Variants in DCTN4 observed in about 807,000 individuals in gnomAD.
The protein encoded by DCTN4 is dynactin subunit 4.
In DCTN4, 23 loss-of-function variants were observed where a neutral mutation model predicts 62.7. The observed-to-expected ratio is 0.37, with a 90% CI of 0.26 to 0.52. The LOEUF (loss-of-function observed/expected upper bound fraction) is 0.52. DCTN4 is among the 20% of genes least tolerant of loss of function. The pLI, the probability that DCTN4 is intolerant of heterozygous loss-of-function variation, is 0.92. For synonymous variants in DCTN4, 199 were observed against 202.1 expected (o/e 0.98, Z 0.13); for missense variants, 514 against 580.4 (o/e 0.89, Z 1.18).
At chr5:150,731,679 A>G (rs1467521472) in intron 5 of DCTN4, 190 bp from the exon 6 acceptor site, 1 of 635,078 alleles carries the variant, frequency 1.6e-6, no homozygotes, top group Non-Finnish European at 2.7e-6. Context: ...AAATAATAAC[A>G]GCACTAAACA....
rs1760343250 is a variant in DCTN4 at position 150,731,068 on chromosome 5, T to C, written c.700A>G (p.Thr234Ala). ...CCCTCTGTTAAATTTACTGGTCTTG[T>C]ATAATAGTCTTCAGGTAGAGGTTCC... ...EVEPLPEDYY[T>A]RPVNLTEVTT... The change falls in exon 7 of 13, where the codon ACA (threonine) becomes GCA (alanine). Residue 234 changes from threonine (T) to alanine (A), a missense_variant. By Grantham distance (58) the Thr-to-Ala change is moderately conservative. Transcript: ENST00000447998. 6.2e-7 allele frequency: 1 copy of C among 1,605,232 alleles called. No homozygotes were observed. Among genetic ancestry groups the C allele is most frequent in the African/African-American group, 1.3e-5 (1 of 74,790 alleles).
chr5:150,726,341 T>C (rs1006244552), intron 8 of DCTN4, among the ~76,000 whole-genome samples: 3 of 152,184 alleles, frequency 2.0e-5, no homozygotes, highest in Non-Finnish European at 2.9e-5. Context: ...CCTCGAGACA[T>C]GCATTGCTCT....
At chr5:150,730,604 G>A in intron 8 of DCTN4, 27 bp downstream of exon 8, 1 of 1,590,366 alleles carries the variant, frequency 6.3e-7, no homozygotes, top group Non-Finnish European at 8.6e-7. Flanking sequence ...TTGTACAAAT[G>A]GTCAGTCTAC....
At chr5:150,713,113 G>T (rs1469773507) in intron 12 of DCTN4, among the ~76,000 whole-genome samples, 1 of 152,148 alleles carries the variant, frequency 6.6e-6, no homozygotes, top group African/African-American at 2.4e-5. Flanking sequence ...AGCACATTTT[G>T]TATTACAGTA....
At chr5:150,751,009 T>C (rs1752652546) in intron 3 of DCTN4, among the ~76,000 whole-genome samples, 1 of 152,192 alleles carries the variant, frequency 6.6e-6, no homozygotes, top group Non-Finnish European at 1.5e-5. Flanking sequence ...TTTTAGAAGT[T>C]GCCTCACTTA....
chr5:150,758,926 G>C lies in DCTN4; in HGVS notation c.68C>G (p.Pro23Arg). The C allele has an allele frequency of 6.2e-7, 1 of 1,614,070 alleles. No homozygotes were observed. The highest frequency in any genetic ancestry group is 1.3e-5 in the African/African-American group (1 of 75,012). Reference sequence around the variant, plus strand: ...GCGGCAGAAGTAGAGTTGCGAGAGCGGGGCCCGAACCTTCTTTTCTCCCTG... The same window carrying C: ...GCGGCAGAAGTAGAGTTGCGAGAGCCGGGCCCGAACCTTCTTTTCTCCCTG... ...LVQGEKKVRA[P>R]LSQLYFCRYC... is the part of the protein sequence containing the mutation. The change falls in exon 1 of 13, where the codon CCG (proline) becomes CGG (arginine). Residue 23 changes from proline to arginine, a missense_variant. By Grantham distance (103) the Pro-to-Arg change is moderately radical. Transcript: ENST00000447998.
chr5:150,710,865 AC>A lies in DCTN4; in HGVS notation c.*283del. On this transcript the variant is annotated 3_prime_UTR_variant, in exon 13 of 13. Coordinates refer to ENST00000447998, the MANE Select transcript of DCTN4 (RefSeq NM_016221.4). ...TAAATACAATGCCATTCCAAGGAAC[AC>A]CCATCCCCTTTCCTAGGATGGAATT... 1 of 427,576 alleles carries A rather than the reference AC, an allele frequency of 2.3e-6. No individual in the cohort carries two copies. Among genetic ancestry groups the A allele is most frequent in the Middle Eastern group, 6.7e-4 (1 of 1,486 alleles). 26.5% of individuals were successfully genotyped at this position (427,576 alleles called of 1,614,324 possible).
At chr5:150,755,706 G>T in intron 2 of DCTN4, 1 of 358,032 alleles carries the variant, frequency 2.8e-6, no homozygotes, top group South Asian at 2.2e-5. Context: ...CCCAAGAGGA[G>T]TCTAGAGACA....
chr5:150,736,550 C>CTGAGAG (rs1289493643), intron 4 of DCTN4, among the ~76,000 whole-genome samples: 17 of 152,234 alleles, frequency 1.1e-4, no homozygotes, highest in Admixed American at 1.1e-3. Flanking sequence ...TTTTCAGACA[C>CTGAGAG]ACAAATGCTG....
At chr5:150,751,522 T>C (rs992119054) in intron 3 of DCTN4, among the ~76,000 whole-genome samples, 1 of 152,150 alleles carries the variant, frequency 6.6e-6, no homozygotes. Context: ...AACAATACTT[T>C]AGTTCACTGA....
intron 9 of DCTN4, among the ~76,000 whole-genome samples, chr5:150,720,057 A>G (rs1209551510): frequency 6.6e-6 from 1 of 152,224 alleles, no homozygotes. Context: ...CTAAGGCAAG[A>G]TATTTATCTC....
In DCTN4 at chr5:150,710,927, G is replaced by T; in HGVS notation, c.*222C>A. The T allele has an allele frequency of 1.8e-6, 1 of 561,288 alleles. No individual in the cohort carries two copies. Among genetic ancestry groups the T allele is most frequent in the Non-Finnish European group, 3.2e-6 (1 of 312,544 alleles). 34.8% of individuals were successfully genotyped at this position (561,288 alleles called of 1,614,324 possible). On this transcript the variant is annotated 3_prime_UTR_variant, in exon 13 of 13. Transcript: ENST00000447998. The stretch of plus-strand genomic sequence containing the variant: ...TACTCAACGTGCAGGGTTCAGTGAG[G>T]GAGACACAGACTTACTGGTGTCAAC...
intron 5 of DCTN4, chr5:150,731,891 C>T (rs1331552006): frequency 1.3e-6 from 2 of 1,551,694 alleles, no homozygotes; most frequent in Non-Finnish European, 8.7e-7. Flanking sequence ...CTTACCACTA[C>T]ATGAATAGTA....
chr5:150,724,772 C>CT (rs1212747668), intron 8 of DCTN4, among the ~76,000 whole-genome samples: 2 of 152,040 alleles, frequency 1.3e-5, no homozygotes, highest in Non-Finnish European at 2.9e-5. Flanking sequence ...TATAGACACA[C>CT]TTTTTTTTGT....
chr5:150,742,203 T>A (rs762784979), intron 3 of DCTN4, 46 bp from the exon 4 acceptor site: 3 of 1,586,652 alleles, frequency 1.9e-6, no homozygotes, highest in Non-Finnish European at 2.6e-6. Context: ...AATGTGATAA[T>A]TTTATTTTCA....
intron 8 of DCTN4, among the ~76,000 whole-genome samples, chr5:150,729,214 T>A (rs1473840350): frequency 6.6e-6 from 1 of 151,884 alleles, no homozygotes; most frequent in Non-Finnish European, 1.5e-5. Flanking sequence ...AATTCAATGT[T>A]CCTTTGCCCC....
intron 3 of DCTN4, among the ~76,000 whole-genome samples, chr5:150,748,620 A>G (rs1302159991): frequency 6.6e-6 from 1 of 151,398 alleles, no homozygotes; most frequent in Non-Finnish European, 1.5e-5. Flanking sequence ...AAAAATGATG[A>G]GTTCATGTCC....
chr5:150,759,002 G>C lies in DCTN4; in HGVS notation c.-9C>G. On this transcript the variant is annotated 5_prime_UTR_variant, in exon 1 of 13. Transcript: ENST00000447998. ...TGCAGCAAGGACGCCATCTTGGGGA[G>C]GGAGGAGGCGATGACGCTCCCGGCG... is the stretch of plus-strand genomic sequence containing the variant. 6.2e-7 allele frequency: 1 copy of C among 1,612,994 alleles called. No homozygotes were observed. Among genetic ancestry groups the C allele is most frequent in the Non-Finnish European group, 8.5e-7 (1 of 1,179,160 alleles).
rs772250653 is a variant in DCTN4, at chr5:150,756,500, AAG to A, written c.136-15_136-14del. On this transcript the variant is annotated splice_polypyrimidine_tract_variant and intron_variant, in intron 1 of 12. Transcript: ENST00000447998. Reference sequence around the variant, plus strand: ...AATGGGAGTCCACCTAGGAGGAAACAAGAAAGAAAAAAAAAACCAGAGGAGAA... The same window carrying A: ...AATGGGAGTCCACCTAGGAGGAAACAAAAGAAAAAAAAAACCAGAGGAGAA... 108 of 1,558,260 alleles carry A rather than the reference AAG, an allele frequency of 6.9e-5. No individual in the cohort carries two copies. In the Middle Eastern group the frequency reaches 2.1e-3, roughly 31 times the overall value.
Sources: allele counts gnomAD v4.1 joint callset (sites outside exome capture counted in the v4.1 genomes callset), GRCh38; gene constraint gnomAD v4.1.1; transcripts MANE v1.5; gene names NCBI Gene and HGNC (gene_info 2026-07-23, HGNC 2026-07-21).